The following RBPJ variants were observed in gnomAD, a reference collection of about 807,000 sequenced individuals.
RBPJ encodes recombining binding protein suppressor of hairless.
A neutral mutation model predicts 67.8 loss-of-function variants in RBPJ; 9 were observed. That is an observed-to-expected ratio of 0.13 (90% CI 0.08 to 0.23). The LOEUF (loss-of-function observed/expected upper bound fraction) is 0.23, where lower values mean the gene tolerates loss of function less well. RBPJ is among the 10% of genes least tolerant of loss of function. The probability of loss-of-function intolerance (pLI) is 1.00; values close to 1 mark genes in which losing one functional copy is unlikely to be tolerated. For synonymous variants in RBPJ, 198 were observed against 203.3 expected (o/e 0.97, Z 0.22); for missense variants, 305 against 595.6 (o/e 0.51, Z 5.08).
chr4:26,170,945 C>T (rs1049007944), intron 1 of RBPJ, among the ~76,000 whole-genome samples: 5 of 152,152 alleles, frequency 3.3e-5, no homozygotes, highest in Admixed American at 1.3e-4. Context: ...AGGCATTGTA[C>T]GCAAAGCACC....
chr4:26,131,219 G>A, the RBPJ span, among the ~76,000 whole-genome samples: 6 of 152,302 alleles, frequency 3.9e-5, no homozygotes, highest in East Asian at 1.9e-4. Flanking sequence ...CACAGGCGGC[G>A]GAAGCTGTGG....
chr4:26,329,328 TAA>T (rs1723989795), intron 1 of RBPJ, among the ~76,000 whole-genome samples: 1 of 152,144 alleles, frequency 6.6e-6, no homozygotes, highest in Non-Finnish European at 1.5e-5. Context: ...GGGCTGGATG[TAA>T]ACAGTGTAAA....
At chr4:26,206,757 A>C (rs1365205633) in intron 1 of RBPJ, among the ~76,000 whole-genome samples, 1 of 151,978 alleles carries the variant, frequency 6.6e-6, no homozygotes, top group East Asian at 1.9e-4. Flanking sequence ...CCCTCAAAAA[A>C]AAAAAAAAAA....
At chr4:26,348,506 C>T (rs1303684453) in intron 1 of RBPJ, among the ~76,000 whole-genome samples, 1 of 152,128 alleles carries the variant, frequency 6.6e-6, no homozygotes, top group Non-Finnish European at 1.5e-5. Flanking sequence ...TGCCTCTAGA[C>T]TTTTGATTGC....
upstream of RBPJ, among the ~76,000 whole-genome samples, chr4:26,320,268 G>A (rs1308178616): frequency 6.6e-6 from 1 of 152,216 alleles, no homozygotes; most frequent in Non-Finnish European, 1.5e-5. Flanking sequence ...GCCATTAGGG[G>A]TGTCTTTGCT....
At chr4:26,274,245 C>T (rs578157621) in intron 1 of RBPJ, among the ~76,000 whole-genome samples, 12 of 152,154 alleles carry the variant, frequency 7.9e-5, no homozygotes, top group South Asian at 4.1e-4. Flanking sequence ...ACATAGTAGG[C>T]GCTCGATAAG....
intron 1 of RBPJ, among the ~76,000 whole-genome samples, chr4:26,173,929 A>G (rs1034903865): frequency 6.6e-6 from 1 of 152,192 alleles, no homozygotes; most frequent in Non-Finnish European, 1.5e-5. Context: ...AGGTGTGTAC[A>G]AAGTACCGTA....
the RBPJ span, among the ~76,000 whole-genome samples, chr4:26,139,803 T>C: frequency 6.6e-6 from 1 of 152,204 alleles, no homozygotes; most frequent in Non-Finnish European, 1.5e-5. Context: ...ATTTCCTTAA[T>C]CAGAGGCTGT....
intron 4 of RBPJ, among the ~76,000 whole-genome samples, chr4:26,419,974 G>A (rs1734966115): frequency 6.6e-6 from 1 of 152,054 alleles, no homozygotes; most frequent in African/African-American, 2.4e-5. Flanking sequence ...GTTCTTTAAA[G>A]TAATGCTTAT....
At chr4:26,244,281 GTA>G (rs1329250971) in intron 1 of RBPJ, among the ~76,000 whole-genome samples, 8 of 4,300 alleles carry the variant, frequency 1.9e-3, no homozygotes, top group Admixed American at 0.011. Context: ...ATATATGTGT[GTA>G]TATGTATACA....
chr4:26,256,371 A>G (rs1025706061), intron 1 of RBPJ, among the ~76,000 whole-genome samples: 3 of 152,178 alleles, frequency 2.0e-5, no homozygotes, highest in African/African-American at 7.2e-5. Flanking sequence ...TGAAAACTTT[A>G]TAAGGTTTCT....
At position 26,430,995 on chromosome 4, in the gene RBPJ, A is replaced by G. The variant is rs746405361; in HGVS notation, c.1452A>G (p.Thr484=). 1.2e-6 allele frequency: 2 copies of G among 1,613,460 alleles called. No homozygotes were observed. The highest frequency in any genetic ancestry group is 2.2e-5 in the South Asian group (2 of 91,058). Residue 484 remains threonine, a synonymous_variant, in exon 11 of 11, where the codon ACA becomes ACG. Coordinates refer to ENST00000355476, the MANE Select transcript of RBPJ (RefSeq NM_015874.6). The surrounding 1 kb of genome is among the most constrained non-coding windows in gnomAD (Gnocchi z 4.1). ...CCAGTGTCACATCATCTACAGCCACAGTGGTATCCTAACTACCGTCTTTTT... is the reference window on the plus strand; with the variant it reads ...CCAGTGTCACATCATCTACAGCCACGGTGGTATCCTAACTACCGTCTTTTT... ...NSTSVTSSTA[T]VVS is the part of the protein sequence containing the mutation.
chr4:26,249,703 T>C (rs1461606095), intron 1 of RBPJ, among the ~76,000 whole-genome samples: 1 of 151,948 alleles, frequency 6.6e-6, no homozygotes, highest in Non-Finnish European at 1.5e-5. Flanking sequence ...TTACTTTTGC[T>C]GCACCAACCT....
intron 1 of RBPJ, among the ~76,000 whole-genome samples, chr4:26,238,434 A>G (rs1229713393): frequency 6.6e-6 from 1 of 152,214 alleles, no homozygotes; most frequent in Non-Finnish European, 1.5e-5. Context: ...GTATTAATGT[A>G]TCTCATAGCT....
intron 2 of RBPJ, among the ~76,000 whole-genome samples, chr4:26,392,642 C>G (rs537431945): frequency 1.3e-5 from 2 of 152,196 alleles, no homozygotes; most frequent in East Asian, 3.9e-4. Flanking sequence ...AAAACTAGAT[C>G]AGTGGTTTCC....
chr4:26,222,425 G>A (rs1560217622), intron 1 of RBPJ, among the ~76,000 whole-genome samples: 2 of 150,546 alleles, frequency 1.3e-5, no homozygotes, highest in African/African-American at 4.9e-5. Flanking sequence ...AACCTGGGAG[G>A]TGGAGGTTGA....
At chr4:26,155,508 C>T in the RBPJ span, among the ~76,000 whole-genome samples, 6 of 150,536 alleles carry the variant, frequency 4.0e-5, no homozygotes, top group South Asian at 4.2e-4. Context: ...GATCTCAGCT[C>T]GCTGCAACCT....
chr4:26,428,937 C>A, intron 8 of RBPJ, 77 bp downstream of exon 8: 9 of 1,126,024 alleles, frequency 8.0e-6, no homozygotes, highest in Non-Finnish European at 1.2e-5. Context: ...ATGAAATTTT[C>A]ATTTGCTGTT....
chr4:26,207,590 G>A (rs779100221), intron 1 of RBPJ, among the ~76,000 whole-genome samples: 2 of 152,198 alleles, frequency 1.3e-5, no homozygotes, highest in African/African-American at 2.4e-5. Flanking sequence ...GGACACAGAC[G>A]TGTGTTGAGC....
Sources: gnomAD v4.1 joint callset for allele counts (sites outside exome capture counted in the v4.1 genomes callset) on GRCh38, gnomAD v4.1.1 for gene constraint, Gnocchi (gnomAD v3.1) non-coding constraint, MANE v1.5 for transcripts, NCBI Gene and HGNC (gene_info 2026-07-23, HGNC 2026-07-21) for gene names.